The following GBP7 variants were observed in gnomAD, a reference collection of about 807,000 sequenced individuals.
The protein encoded by GBP7 is guanylate binding protein 7.
GBP7 carries 43 observed loss-of-function variants against 61.3 expected under a neutral mutation model. That is an observed-to-expected ratio of 0.70 (90% CI 0.55 to 0.91). The LOEUF is 0.91. Ranked by LOEUF, GBP7 falls within the 40% of genes least tolerant of loss-of-function variation. The pLI is 0.00. For missense variants in GBP7, 717 were observed against 740.5 expected (o/e 0.97, Z 0.37); for synonymous variants, 267 against 271.0 (o/e 0.99, Z 0.14).
chr1:89,138,195 T>G (rs766298199), intron 9 of GBP7, among the ~76,000 whole-genome samples: 2 of 152,128 alleles, frequency 1.3e-5, no homozygotes, highest in Non-Finnish European at 2.9e-5. Flanking sequence ...TGCATATGGA[T>G]AGGAAGAATC....
At chr1:89,152,134 A>G (rs756823661) in intron 5 of GBP7, 134 bp downstream of exon 5, 11 of 681,154 alleles carry the variant, frequency 1.6e-5, no homozygotes, top group Non-Finnish European at 2.4e-5. Flanking sequence ...ATAATCACTT[A>G]TCAATCACCA....
In GBP7 at chr1:89,147,786, G is replaced by A. The variant is rs373621606; in HGVS notation, c.1153-7C>T. 34 of 1,613,592 alleles carry A rather than the reference G, an allele frequency of 2.1e-5. No individual in the cohort carries two copies. The African/African-American group carries it at 4.1e-4, about 20-fold the overall frequency. ...TCTTTTTCTCCATGGTGTCCTGCCAGAAAAGTGTAGGGAAAAACAGTAGAA... is the reference window on the plus strand; with the variant it reads ...TCTTTTTCTCCATGGTGTCCTGCCAAAAAAGTGTAGGGAAAAACAGTAGAA... On this transcript the variant is annotated splice_region_variant and splice_polypyrimidine_tract_variant and intron_variant, in intron 7 of 10. Coordinates refer to ENST00000294671, the MANE Select transcript of GBP7 (RefSeq NM_207398.3).
chr1:89,163,481 C>T (rs958127877), intron 3 of GBP7, among the ~76,000 whole-genome samples: 4 of 150,872 alleles, frequency 2.7e-5, no homozygotes, highest in Admixed American at 2.0e-4. Context: ...TCAATTTCTT[C>T]CCAGTTAAGT....
intron 8 of GBP7, among the ~76,000 whole-genome samples, chr1:89,146,542 A>T (rs1169849380): frequency 6.6e-6 from 1 of 152,224 alleles, no homozygotes; most frequent in Non-Finnish European, 1.5e-5. Flanking sequence ...AGTGCTTAAT[A>T]TCCAAAATAT....
At chr1:89,147,166 C>A (rs887004274) in intron 8 of GBP7, among the ~76,000 whole-genome samples, 1 of 152,150 alleles carries the variant, frequency 6.6e-6, no homozygotes, top group Non-Finnish European at 1.5e-5. Context: ...ATCATTATCA[C>A]CCCTATCAAT....
chr1:89,160,170 T>A lies in GBP7; in HGVS notation c.318+4561A>T, dbSNP rs1019773349. On this transcript the variant is annotated intron_variant, in intron 3 of 10. Transcript: ENST00000294671. ...GGTGGGAATTGAACAATGAGATCACTTGGACACAGGGTGAGGAACATCACA... is the reference window on the plus strand; with the variant it reads ...GGTGGGAATTGAACAATGAGATCACATGGACACAGGGTGAGGAACATCACA... Among the ~76,000 whole-genome samples, 6 of 152,230 alleles carry A rather than the reference T, an allele frequency of 3.9e-5. No individual in the cohort carries two copies. In the South Asian group the frequency reaches 1.2e-3, roughly 32 times the overall value.
At chr1:89,144,596 A>G (rs959634987) in intron 8 of GBP7, among the ~76,000 whole-genome samples, 2 of 152,126 alleles carry the variant, frequency 1.3e-5, no homozygotes, top group Admixed American at 6.6e-5. Flanking sequence ...TTGTTTTACA[A>G]GTTTTTTGAA....
intron 8 of GBP7, among the ~76,000 whole-genome samples, chr1:89,143,549 C>A (rs893848291): frequency 2.0e-5 from 3 of 151,896 alleles, no homozygotes; most frequent in Admixed American, 2.0e-4. Flanking sequence ...ATTTTAAGTT[C>A]GGGGTAATTT....
intron 7 of GBP7, among the ~76,000 whole-genome samples, chr1:89,148,811 C>G (rs1417153697): frequency 6.6e-6 from 1 of 152,032 alleles, no homozygotes; most frequent in Non-Finnish European, 1.5e-5. Context: ...CTCAGTCAGG[C>G]AAGTGCTTCT....
At chr1:89,164,364 A>G (rs1378433614) in intron 3 of GBP7, among the ~76,000 whole-genome samples, 3 of 152,084 alleles carry the variant, frequency 2.0e-5, no homozygotes, top group Non-Finnish European at 4.4e-5. Context: ...GCATCTGAGC[A>G]CTCTAAATGG....
At chr1:89,167,684 A>G (rs1647481999) in intron 2 of GBP7, among the ~76,000 whole-genome samples, 1 of 152,202 alleles carries the variant, frequency 6.6e-6, no homozygotes, top group Admixed American at 6.5e-5. Context: ...TGGATGGGCA[A>G]GGTTACCATT....
intron 9 of GBP7, among the ~76,000 whole-genome samples, chr1:89,138,250 C>G (rs751555454): frequency 1.3e-5 from 2 of 152,052 alleles, no homozygotes; most frequent in Non-Finnish European, 2.9e-5. Flanking sequence ...TTTACATATT[C>G]AATGCTATTC....
intron 2 of GBP7, among the ~76,000 whole-genome samples, chr1:89,170,150 T>C (rs908984648): frequency 6.6e-6 from 1 of 152,180 alleles, no homozygotes; most frequent in Non-Finnish European, 1.5e-5. Context: ...AATAATAGAA[T>C]CACTAATCAA....
At chr1:89,152,157 A>G (rs1158583766) in intron 5 of GBP7, 111 bp downstream of exon 5, 3 of 862,894 alleles carry the variant, frequency 3.5e-6, no homozygotes, top group Non-Finnish European at 5.2e-6. Flanking sequence ...CACCATGAGC[A>G]AGGGCCTCAA....
chr1:89,159,334 T>C (rs1242946154), intron 3 of GBP7, among the ~76,000 whole-genome samples: 7 of 152,030 alleles, frequency 4.6e-5, no homozygotes, highest in Non-Finnish European at 7.4e-5. Context: ...CCAAAAGCAA[T>C]GGCAACAAAA....
intron 3 of GBP7, among the ~76,000 whole-genome samples, chr1:89,156,386 C>G (rs554449153): frequency 2.6e-4 from 40 of 152,190 alleles, no homozygotes; most frequent in African/African-American, 9.6e-4. Context: ...GCTAAATGCT[C>G]CAATTAAAAG....
chr1:89,171,080 A>G (rs1265506379), intron 2 of GBP7, among the ~76,000 whole-genome samples: 1 of 152,242 alleles, frequency 6.6e-6, no homozygotes, highest in African/African-American at 2.4e-5. Flanking sequence ...ATGCATTTCC[A>G]GAATTTATAA....
At chr1:89,161,458 T>C (rs1225550107) in intron 3 of GBP7, among the ~76,000 whole-genome samples, 1 of 152,186 alleles carries the variant, frequency 6.6e-6, no homozygotes, top group Non-Finnish European at 1.5e-5. Context: ...TTTTTAATAA[T>C]AGCCATTCTG....
At chr1:89,138,393 T>TCA (rs1681859416) in intron 9 of GBP7, among the ~76,000 whole-genome samples, 1 of 152,044 alleles carries the variant, frequency 6.6e-6, no homozygotes, top group African/African-American at 2.4e-5. Context: ...GCCAGAGACA[T>TCA]CACATGACTT....
Sources: allele counts gnomAD v4.1 joint callset (sites outside exome capture counted in the v4.1 genomes callset), GRCh38; gene constraint gnomAD v4.1.1; transcripts MANE v1.5; gene names NCBI Gene and HGNC (gene_info 2026-07-23, HGNC 2026-07-21).